The following TJAP1 variants were observed in gnomAD, a reference collection of about 807,000 sequenced individuals.
TJAP1 encodes the protein tight junction associated protein 1.
Under a neutral mutation model 42.0 loss-of-function variants are expected in TJAP1, and 27 were observed. That is an observed-to-expected ratio of 0.64 (90% CI 0.47 to 0.89). The LOEUF (loss-of-function observed/expected upper bound fraction) is 0.89. Among genes scored for constraint, TJAP1 ranks in the 40% least tolerant of loss-of-function variants. TJAP1 has a pLI of 0.00. For missense variants in TJAP1, 712 were observed against 726.9 expected (o/e 0.98, Z 0.24); for synonymous variants, 257 against 288.4 (o/e 0.89, Z 1.10).
At chr6:43,482,983 G>A (rs1365953809) in intron 2 of TJAP1, among the ~76,000 whole-genome samples, 4 of 152,134 alleles carry the variant, frequency 2.6e-5, no homozygotes, top group Middle Eastern at 3.2e-3. Context: ...TTAGTTGGGC[G>A]TGGTGGTGCG....
At chr6:43,489,027 A>G (rs1057244552) in intron 2 of TJAP1, among the ~76,000 whole-genome samples, 23 of 151,734 alleles carry the variant, frequency 1.5e-4, no homozygotes. Flanking sequence ...AGGAGAGAGG[A>G]CCCCTCTCTT....
At chr6:43,487,656 G>A (rs1351442039) in intron 2 of TJAP1, among the ~76,000 whole-genome samples, 3 of 152,102 alleles carry the variant, frequency 2.0e-5, no homozygotes, top group Non-Finnish European at 4.4e-5. Context: ...GGATGATAAA[G>A]CACAGTGTAG....
intron 2 of TJAP1, among the ~76,000 whole-genome samples, chr6:43,479,250 C>A (rs1784818727): frequency 6.6e-6 from 1 of 152,210 alleles, no homozygotes; most frequent in Admixed American, 6.5e-5. Context: ...TGATCTAGAA[C>A]TCTTCATTTA....
At chr6:43,503,264 C>T (rs1369975039) in intron 8 of TJAP1, 137 bp from the exon 9 acceptor site, 7 of 657,424 alleles carry the variant, frequency 1.1e-5, no homozygotes, top group African/African-American at 7.2e-5. Context: ...TCTGTCTGTC[C>T]GTCATTTGTC....
At position 43,505,092 on chromosome 6, in the gene TJAP1, A is replaced by C. The variant is rs749105268; in HGVS notation, c.911A>C (p.Glu304Ala). ...ACTGCCAGGGGCTCCCCGGAGGAAGAGCTGCCCCTGCCAGCCTTTGAGAAG... is the reference window on the plus strand; with the variant it reads ...ACTGCCAGGGGCTCCCCGGAGGAAGCGCTGCCCCTGCCAGCCTTTGAGAAG... The change falls in exon 11 of 11, where the codon GAG (glutamate) becomes GCG (alanine). Residue 304 changes from glutamate (E) to alanine (A), a missense_variant. Glu to Ala is a moderately radical substitution (Grantham distance 107, BLOSUM62 -1). Coordinates refer to ENST00000372449, the Ensembl canonical transcript of TJAP1. This position sits in a 1 kb window ranked among gnomAD's most constrained non-coding sequence, Gnocchi z 5.5. 6.2e-7 allele frequency: 1 copy of C among 1,613,908 alleles called. No homozygotes were observed. Among genetic ancestry groups the C allele is most frequent in the South Asian group, 1.1e-5 (1 of 91,080 alleles).
intron 2 of TJAP1, among the ~76,000 whole-genome samples, chr6:43,483,034 A>G (rs1180015779): frequency 6.6e-6 from 1 of 152,150 alleles, no homozygotes; most frequent in Non-Finnish European, 1.5e-5. Flanking sequence ...AGGCAGGAGA[A>G]TCACTTGAAC....
intron 2 of TJAP1, among the ~76,000 whole-genome samples, chr6:43,488,354 C>T (rs1787034065): frequency 6.6e-6 from 1 of 152,198 alleles, no homozygotes; most frequent in African/African-American, 2.4e-5. Flanking sequence ...GGCTGGCTCC[C>T]TGGGAGGGAT....
At chr6:43,481,463 T>A (rs977037460) in intron 2 of TJAP1, among the ~76,000 whole-genome samples, 1 of 146,560 alleles carries the variant, frequency 6.8e-6, no homozygotes, top group Non-Finnish European at 1.5e-5. Flanking sequence ...ATATAATTTT[T>A]AAAAAATAGC....
chr6:43,502,819 G>A (rs968133668), intron 8 of TJAP1: 1 of 649,856 alleles, frequency 1.5e-6, no homozygotes, highest in Non-Finnish European at 2.7e-6. Flanking sequence ...CTTGGCTCTG[G>A]TAGAGGTACT....
chr6:43,503,420 A>G, exon 9 of TJAP1: 14 of 1,613,900 alleles, frequency 8.7e-6, no homozygotes, highest in Non-Finnish European at 1.2e-5. Context: ...GCTGAGATGG[A>G]TAGGAAGACG....
In TJAP1 at chr6:43,505,905, C is replaced by G; in HGVS notation, c.*50C>G. 1 of 1,424,610 alleles carries G rather than the reference C, an allele frequency of 7.0e-7. No homozygotes were observed. Among genetic ancestry groups the G allele is most frequent in the Non-Finnish European group, 9.1e-7 (1 of 1,093,110 alleles). The allele number at this position is 1,424,610 out of a possible 1,614,324, so 88.2% of individuals were successfully genotyped here. On this transcript the variant is annotated 3_prime_UTR_variant, in exon 11 of 11. Transcript: ENST00000372449. The surrounding 1 kb of genome is among the most constrained non-coding windows in gnomAD (Gnocchi z 5.5). ...TGCTGCACCAGGACTGCAAGGAGTC[C>G]CCACACCTTGGCAGCTCAGGGTCCC...
intron 2 of TJAP1, among the ~76,000 whole-genome samples, chr6:43,493,384 G>C (rs1788259384): frequency 6.6e-6 from 1 of 152,206 alleles, no homozygotes; most frequent in African/African-American, 2.4e-5. Context: ...GTGGAGAGTA[G>C]GGAGGTAGTT....
At chr6:43,499,037 T>A (rs1212267887) in exon 4 of TJAP1, 1 of 1,614,108 alleles carries the variant, frequency 6.2e-7, no homozygotes, top group South Asian at 1.1e-5. Flanking sequence ...AACCCTACCG[T>A]AAGGCACCAC....
At chr6:43,500,355 G>A (rs1456367778) in intron 4 of TJAP1, among the ~76,000 whole-genome samples, 1 of 152,196 alleles carries the variant, frequency 6.6e-6, no homozygotes, top group African/African-American at 2.4e-5. Context: ...GAACTCGTGT[G>A]TATAGTTCAG....
Position 43,505,167 on chromosome 6 carries a change from G to A in TJAP1, c.986G>A (p.Arg329His), listed in dbSNP as rs138388730. ...CCACCACACCCACTGTATCCTGGCC[G>A]CAGGGTAATAGAGTTCTCTGAGGAT... The change falls in exon 11 of 11, where the codon CGC (arginine) becomes CAC (histidine). Residue 329 changes from arginine to histidine, a missense_variant. By Grantham distance (29) the Arg-to-His change is conservative. Transcript: ENST00000372449. The surrounding 1 kb of genome is among the most constrained non-coding windows in gnomAD (Gnocchi z 5.5). 1.2e-4 allele frequency: 198 copies of A among 1,614,138 alleles called. No individual in the cohort carries two copies. The African/African-American group carries it at 2.1e-3, about 17-fold the overall frequency.
chr6:43,500,982 G>C (rs374195445), intron 5 of TJAP1: 1 of 599,190 alleles, frequency 1.7e-6, no homozygotes, highest in Non-Finnish European at 2.9e-6. Flanking sequence ...TCAAGAGAGC[G>C]TAGAATCAGG....
chr6:43,501,923 ACACACTCTCTCT>A (rs1264547043), intron 6 of TJAP1, among the ~76,000 whole-genome samples: 127 of 108,102 alleles, frequency 1.2e-3, no homozygotes, highest in African/African-American at 5.4e-3. Flanking sequence ...ACACACACAC[ACACACTCTCTCT>A]CTCTCTCTCT....
intron 4 of TJAP1, among the ~76,000 whole-genome samples, chr6:43,499,554 C>T (rs897864001): frequency 6.6e-5 from 10 of 152,214 alleles, no homozygotes; most frequent in African/African-American, 2.2e-4. Flanking sequence ...CTTCCTCCAG[C>T]TTTGCTTTGT....
chr6:43,481,480 T>C (rs1252536333), intron 2 of TJAP1, among the ~76,000 whole-genome samples: 2 of 125,012 alleles, frequency 1.6e-5, no homozygotes, highest in African/African-American at 3.0e-5. Context: ...TAGCAAGACA[T>C]CACCCCCCCC....
Sources: allele counts gnomAD v4.1 joint callset (sites outside exome capture counted in the v4.1 genomes callset), GRCh38; gene constraint gnomAD v4.1.1; non-coding constraint Gnocchi (gnomAD v3.1); transcripts MANE v1.5; gene names NCBI Gene and HGNC (gene_info 2026-07-23, HGNC 2026-07-21).